C1orf105: variants seen among roughly 807,000 people sequenced by gnomAD.
C1orf105 encodes chromosome 1 open reading frame 105.
C1orf105 carries 17 observed loss-of-function variants against 20.8 expected under a neutral mutation model. The ratio of observed to expected loss-of-function variants is 0.82; its 90% CI spans 0.56 to 1.23. The LOEUF (loss-of-function observed/expected upper bound fraction) is 1.23, where lower values mean the gene tolerates loss of function less well. Ranked by LOEUF, C1orf105 falls within the 50% of genes most tolerant of loss-of-function variation. The pLI is 0.00. For missense variants in C1orf105, 219 were observed against 213.5 expected (o/e 1.03, Z -0.16); for synonymous variants, 72 against 72.1 (o/e 1.00, Z 0.01).
At chr1:172,442,113 A>G (rs2149169339) in intron 1 of C1orf105, 1 of 1,614,236 alleles carries the variant, frequency 6.2e-7, no homozygotes, top group East Asian at 2.2e-5. Flanking sequence ...ATACAATGGC[A>G]GCATTGGCAC....
chr1:172,437,406 T>TA (rs1388563453), intron 1 of C1orf105, among the ~76,000 whole-genome samples: 1 of 151,700 alleles, frequency 6.6e-6, no homozygotes, highest in Non-Finnish European at 1.5e-5. Flanking sequence ...TATGCAGCCA[T>TA]AAAAAAGGAT....
chr1:172,465,429 T>A, intron 6 of C1orf105, 66 bp downstream of exon 6: 1 of 1,110,130 alleles, frequency 9.0e-7, no homozygotes, highest in South Asian at 1.3e-5. Context: ...AGAATGACAG[T>A]CTAATCCCTA....
chr1:172,437,354 G>T (rs1244015666), intron 1 of C1orf105, among the ~76,000 whole-genome samples: 2 of 152,096 alleles, frequency 1.3e-5, no homozygotes, highest in African/African-American at 4.8e-5. Context: ...ATCAATGACA[G>T]ACTGGATTAT....
At chr1:172,443,543 C>T (rs1195582047) in intron 1 of C1orf105, 1 of 166,860 alleles carries the variant, frequency 6.0e-6, no homozygotes, top group Non-Finnish European at 1.5e-5. Flanking sequence ...TTGAGAGGAT[C>T]GAAGAAGATA....
chr1:172,449,718 C>G (rs1054212839), intron 3 of C1orf105, among the ~76,000 whole-genome samples: 1 of 152,188 alleles, frequency 6.6e-6, no homozygotes, highest in African/African-American at 2.4e-5. Flanking sequence ...TAAGAGTCAT[C>G]TCTTAGTCCC....
intron 1 of C1orf105, among the ~76,000 whole-genome samples, chr1:172,434,972 T>C (rs1188926145): frequency 6.6e-5 from 10 of 152,172 alleles, no homozygotes; most frequent in Non-Finnish European, 1.2e-4. Context: ...TAAACACCTC[T>C]ATGCAAATGA....
At chr1:172,452,815 G>A in intron 3 of C1orf105, 1 of 1,392,048 alleles carries the variant, frequency 7.2e-7, no homozygotes, top group Non-Finnish European at 9.3e-7. Flanking sequence ...ACAGCTGCTT[G>A]GGAAATGAGG....
intron 1 of C1orf105, among the ~76,000 whole-genome samples, chr1:172,440,510 AGTT>A (rs1330024672): frequency 1.3e-5 from 2 of 152,238 alleles, no homozygotes; most frequent in Non-Finnish European, 2.9e-5. Context: ...GACATAGAAC[AGTT>A]GTGGCCCAAG....
At chr1:172,457,456 A>G (rs746229442) in intron 4 of C1orf105, among the ~76,000 whole-genome samples, 13 of 152,214 alleles carry the variant, frequency 8.5e-5, no homozygotes, top group Admixed American at 3.3e-4. Context: ...AGAGAGTGGC[A>G]CTTTTGTGAA....
chr1:172,431,096 AT>A, intron 1 of C1orf105: 2 of 656,200 alleles, frequency 3.0e-6, no homozygotes, highest in Non-Finnish European at 5.5e-6. Flanking sequence ...AATTAAGCCA[AT>A]TAATAACCCT....
chr1:172,453,051 C>T (rs567069012), intron 3 of C1orf105: 70 of 1,550,428 alleles, frequency 4.5e-5, no homozygotes, highest in Non-Finnish European at 5.6e-5. Context: ...CAGGACATGG[C>T]GTCTCAAATG....
chr1:172,464,951 G>A (rs1440615804), intron 5 of C1orf105, among the ~76,000 whole-genome samples: 2 of 152,146 alleles, frequency 1.3e-5, no homozygotes, highest in African/African-American at 4.8e-5. Context: ...GGGAGGCTGA[G>A]GCGGGCAGAT....
Position 172,460,036 on chromosome 1 carries a change from T to C in C1orf105, c.274-2142T>C, listed in dbSNP as rs148635491. On this transcript the variant is annotated intron_variant, in intron 4 of 6. Transcript: ENST00000367727. ...GAAAATAGACAGTGGTTGTCAAAGATTGGGGAGAGGAGTGAGTGAGAAGCA... is the reference window on the plus strand; with the variant it reads ...GAAAATAGACAGTGGTTGTCAAAGACTGGGGAGAGGAGTGAGTGAGAAGCA... Among the ~76,000 whole-genome samples the C allele has an allele frequency of 4.5e-3, 679 of 152,156 alleles. 5 individuals carry two copies. Among genetic ancestry groups the C allele is most frequent in the African/African-American group, 0.015 (620 of 41,520 alleles).
At chr1:172,449,683 G>A (rs766492960) in intron 3 of C1orf105, among the ~76,000 whole-genome samples, 11 of 152,160 alleles carry the variant, frequency 7.2e-5, no homozygotes, top group African/African-American at 2.4e-4. Flanking sequence ...TTTCAACACC[G>A]GAGTTTCAGG....
chr1:172,437,285 C>G (rs112042720), intron 1 of C1orf105, among the ~76,000 whole-genome samples: 2 of 151,992 alleles, frequency 1.3e-5, no homozygotes, highest in Non-Finnish European at 2.9e-5. Flanking sequence ...CACATGCACA[C>G]GTATGTTTAT....
intron 1 of C1orf105, among the ~76,000 whole-genome samples, chr1:172,429,833 C>T (rs2071821387): frequency 1.3e-5 from 2 of 152,180 alleles, no homozygotes; most frequent in Non-Finnish European, 2.9e-5. Context: ...ATAAAGTGCA[C>T]CTGTCATCCT....
intron 1 of C1orf105, chr1:172,443,874 T>C: frequency 1.2e-6 from 1 of 804,924 alleles, no homozygotes; most frequent in Non-Finnish European, 1.5e-6. Context: ...CCATTTGGCT[T>C]TTTGGGTGGG....
At chr1:172,460,408 T>C (rs910467410) in intron 4 of C1orf105, among the ~76,000 whole-genome samples, 18 of 85,986 alleles carry the variant, frequency 2.1e-4, no homozygotes, top group African/African-American at 7.7e-4. Flanking sequence ...TTATCTAGGC[T>C]GTGTTTCATC....
At chr1:172,459,809 G>A (rs1649563424) in intron 4 of C1orf105, among the ~76,000 whole-genome samples, 1 of 151,954 alleles carries the variant, frequency 6.6e-6, no homozygotes, top group African/African-American at 2.4e-5. Context: ...AAATGCCTAG[G>A]GCTTGATTAA....
Sources: gnomAD v4.1 joint callset for allele counts (sites outside exome capture counted in the v4.1 genomes callset) on GRCh38, gnomAD v4.1.1 for gene constraint, MANE v1.5 for transcripts, NCBI Gene and HGNC (gene_info 2026-07-23, HGNC 2026-07-21) for gene names.